QRICH2: variants seen among roughly 807,000 people sequenced by gnomAD.
QRICH2 encodes glutamine-rich protein 2.
A neutral mutation model predicts 168.3 loss-of-function variants in QRICH2; 119 were observed. The ratio of observed to expected loss-of-function variants is 0.71; its 90% confidence interval spans 0.61 to 0.82. The LOEUF is 0.82. QRICH2 is among the 40% of genes least tolerant of loss of function. The pLI is 0.00. For missense variants in QRICH2, 2,241 were observed against 2,491.6 expected, an observed-to-expected ratio of 0.90 and a Z score of 2.14; for synonymous variants, 894 against 951.2, an observed-to-expected ratio of 0.94 and a Z score of 1.11.
chr17:76,297,878 T>G (rs954694731), intron 3 of QRICH2, among the ~76,000 whole-genome samples: 3 of 127,290 alleles, frequency 2.4e-5, no homozygotes, highest in Admixed American at 7.7e-5. Context: ...CTGTTTTTTT[T>G]TTTTTTTTTT....
intron 14 of QRICH2, among the ~76,000 whole-genome samples, chr17:76,278,483 C>T (rs1427296718): frequency 6.6e-6 from 1 of 152,232 alleles, no homozygotes; most frequent in Non-Finnish European, 1.5e-5. Context: ...CTTCCCATCT[C>T]GGCGCACCTG....
Position 76,279,397 on chromosome 17 carries a change from A to G in QRICH2, c.4780T>C (p.Cys1594Arg), listed in dbSNP as rs2070746908. The change falls in exon 13 of 19, where the codon TGT becomes CGT. Residue 1594 changes from cysteine to arginine, a missense_variant. By Grantham distance (180) the Cys-to-Arg change is radical (BLOSUM62 -3). Around this residue, in one of 3 missense-constraint regions of QRICH2, gnomAD observed 2,047 missense variants for 2,303.8 expected, o/e 0.89. Transcript: ENST00000680821. ...QLLAHFHCLSCDRPLETPVTG... is the reference protein window; with the variant it reads ...QLLAHFHCLSRDRPLETPVTG... ...ACAGGTGTCTCCAAGGGCCGGTCAC[A>G]TGAGAGGCAGTGGAAATGTGCCAGG... is the stretch of plus-strand genomic sequence containing the variant. 5 of 1,613,102 alleles carry G rather than the reference A, an allele frequency of 3.1e-6. No individual in the cohort carries two copies. Among genetic ancestry groups the G allele is most frequent in the Non-Finnish European group, 4.2e-6 (5 of 1,179,582 alleles).
chr17:76,274,159 G>C lies in QRICH2; in HGVS notation c.5584C>G (p.Leu1862Val). The change falls in exon 19 of 19, where the codon CTG (leucine) becomes GTG (valine). Residue 1862 changes from leucine (L) to valine (V), a missense_variant. This residue lies in a region of QRICH2 where 189 missense variants were observed against 169.3 expected (regional missense o/e 1.12). Transcript: ENST00000680821. ...PSSAAVANRG[L>V]ERHVDMPPGE... is the part of the protein sequence containing the mutation. ...GGAGGCATGTCCACGTGCCTCTCCA[G>C]CCCCCTGTTTGCCACCGCGGCGGAG... 6.3e-7 allele frequency: 1 copy of C among 1,583,522 alleles called. No homozygotes were observed. Among genetic ancestry groups the C allele is most frequent in the Admixed American group, 2.0e-5 (1 of 51,006 alleles).
At position 76,280,735 on chromosome 17, in the gene QRICH2, A is replaced by G; in HGVS notation, c.4387-7T>C. The G allele has an allele frequency of 6.2e-7, 1 of 1,614,084 alleles. No homozygotes were observed. Among genetic ancestry groups the G allele is most frequent in the Non-Finnish European group, 8.5e-7 (1 of 1,180,018 alleles). ...CCAGACCCTGGTACAGCATCTGGGG[A>G]GGCCAAGTGAACAGAGAAAAAAAGA... On this transcript the variant is annotated splice_region_variant and splice_polypyrimidine_tract_variant and intron_variant, in intron 9 of 18. Coordinates refer to ENST00000680821, the MANE Select transcript of QRICH2 (RefSeq NM_001388453.1). This position sits in a 1 kb window ranked among gnomAD's most constrained non-coding sequence, Gnocchi z 7.4.
Position 76,274,243 on chromosome 17 carries a change from T to C in QRICH2, c.5500A>G (p.Lys1834Glu). ...GNTSVSSRQQ[K>E]DRPSSEGRLS... Reference sequence around the variant, plus strand: ...CGGCCCTCGGAGGAAGGTCTATCTTTCTGTTGACGAGAAGAAACTGTAAGA... The same window carrying C: ...CGGCCCTCGGAGGAAGGTCTATCTTCCTGTTGACGAGAAGAAACTGTAAGA... The change falls in exon 19 of 19, where the codon AAA becomes GAA. Residue 1834 changes from lysine (K) to glutamate (E), a missense_variant. Transcript: ENST00000680821. 1.3e-6 allele frequency: 2 copies of C among 1,591,708 alleles called. No individual in the cohort carries two copies. Among genetic ancestry groups the C allele is most frequent in the Non-Finnish European group, 1.7e-6 (2 of 1,172,242 alleles).
intron 13 of QRICH2, 84 bp downstream of exon 13, chr17:76,279,279 A>T: frequency 7.3e-7 from 1 of 1,377,966 alleles, no homozygotes; most frequent in Non-Finnish European, 1.0e-6. Context: ...CATGAAAGAA[A>T]GGGAGAGGAC....
chr17:76,293,917 C>T lies in QRICH2; in HGVS notation c.810G>A (p.Glu270=). 1 of 1,614,160 alleles carries T rather than the reference C, an allele frequency of 6.2e-7. No homozygotes were observed. Among genetic ancestry groups the T allele is most frequent in the Non-Finnish European group, 8.5e-7 (1 of 1,180,030 alleles). The change falls in exon 4 of 19, where the codon GAG becomes GAA. Residue 270 remains glutamate (E), a synonymous_variant. Coordinates refer to ENST00000680821, the MANE Select transcript of QRICH2 (RefSeq NM_001388453.1). Reference sequence around the variant, plus strand: ...GACCACTGGCAGAATCCAGAGCCTGCTCAATACTTGGTTGCTTGGTAGAGT... The same window carrying T: ...GACCACTGGCAGAATCCAGAGCCTGTTCAATACTTGGTTGCTTGGTAGAGT... ...SGDSTKQPSI[E]QALDSASGLG...
At chr17:76,300,769 T>C (rs565185005) in intron 3 of QRICH2, among the ~76,000 whole-genome samples, 103 of 151,516 alleles carry the variant, frequency 6.8e-4, no homozygotes, top group South Asian at 4.2e-3. Context: ...ATACAAAATA[T>C]GACCAGGCAT....
intron 6 of QRICH2, 65 bp from the exon 7 acceptor site, chr17:76,287,371 C>T: frequency 8.6e-7 from 1 of 1,166,080 alleles, no homozygotes; most frequent in South Asian, 1.3e-5. Context: ...GAGCCTGGGC[C>T]ATCAGGGACG....
At chr17:76,279,965 C>T (rs1338736979) in intron 12 of QRICH2, 68 bp downstream of exon 12, 2 of 1,507,562 alleles carry the variant, frequency 1.3e-6, no homozygotes, top group Admixed American at 2.1e-5. Context: ...GTCTGGAGAC[C>T]CCCAGCCCCC....
chr17:76,302,028 G>A (rs1240368890), intron 3 of QRICH2, among the ~76,000 whole-genome samples: 5 of 151,766 alleles, frequency 3.3e-5, no homozygotes, highest in African/African-American at 9.7e-5. Flanking sequence ...CCTCCCAAGT[G>A]CTTGGGATTA....
Position 76,293,897 on chromosome 17 carries a change from CT to C in QRICH2, c.829del (p.Ser277ValfsTer109), listed in dbSNP as rs1441928397. On this transcript the variant is annotated frameshift_variant, in exon 4 of 19. Coordinates refer to ENST00000680821, the MANE Select transcript of QRICH2 (RefSeq NM_001388453.1). LOFTEE classifies it high-confidence loss of function. ...PSIEQALDSA[S>X]GLGPDRTASG... ...TGCAGTCCGATCCGGGCCAAGACCA[CT>C]GGCAGAATCCAGAGCCTGCTCAATA... 6.8e-6 allele frequency: 11 copies of C among 1,614,066 alleles called. No homozygotes were observed. The Admixed American group carries it at 1.0e-4, about 15-fold the overall frequency.
chr17:76,299,630 G>A (rs569434810), intron 3 of QRICH2, among the ~76,000 whole-genome samples: 2 of 151,852 alleles, frequency 1.3e-5, no homozygotes, highest in African/African-American at 2.4e-5. Context: ...TCAGCTACTC[G>A]GGAGACTGAG....
At chr17:76,284,690 C>T (rs975093447) in intron 7 of QRICH2, among the ~76,000 whole-genome samples, 37 of 151,608 alleles carry the variant, frequency 2.4e-4, no homozygotes, top group Non-Finnish European at 1.5e-4. Context: ...CAGTGGCAGG[C>T]GCCTGTAATC....
intron 2 of QRICH2, 136 bp downstream of exon 2, chr17:76,304,746 C>T: frequency 1.3e-6 from 1 of 792,486 alleles, no homozygotes; most frequent in Non-Finnish European, 2.2e-6. Flanking sequence ...GATTTCCCTC[C>T]AACCCTGGGG....
Position 76,293,867 on chromosome 17 carries a change from C to A in QRICH2, c.860G>T (p.Gly287Val). 3 of 1,614,112 alleles carry A rather than the reference C, an allele frequency of 1.9e-6. No individual in the cohort carries two copies. The highest frequency in any genetic ancestry group is 2.5e-6 in the Non-Finnish European group (3 of 1,180,036). ...SGLGPDRTASGSGGTAHPSDG... is the reference protein window; with the variant it reads ...SGLGPDRTASVSGGTAHPSDG... Reference sequence around the variant, plus strand: ...AGAGGGGTGTGCTGTGCCACCAGATCCTGATGCAGTCCGATCCGGGCCAAG... The same window carrying A: ...AGAGGGGTGTGCTGTGCCACCAGATACTGATGCAGTCCGATCCGGGCCAAG... The change falls in exon 4 of 19, where the codon GGA (glycine) becomes GTA (valine). Residue 287 changes from glycine to valine, a missense_variant. Gly to Val is a moderately radical substitution (Grantham distance 109). Coordinates refer to ENST00000680821, the MANE Select transcript of QRICH2 (RefSeq NM_001388453.1).
Position 76,293,928 on chromosome 17 carries a change from G to C in QRICH2, c.799C>G (p.Pro267Ala), listed in dbSNP as rs968420149. The C allele has an allele frequency of 6.2e-7, 1 of 1,614,014 alleles. No homozygotes were observed. Among genetic ancestry groups the C allele is most frequent in the Non-Finnish European group, 8.5e-7 (1 of 1,180,038 alleles). ...GTLSGDSTKQ[P>A]SIEQALDSAS... Reference sequence around the variant, plus strand: ...GAATCCAGAGCCTGCTCAATACTTGGTTGCTTGGTAGAGTCTCCGCTTAGA... The same window carrying C: ...GAATCCAGAGCCTGCTCAATACTTGCTTGCTTGGTAGAGTCTCCGCTTAGA... Residue 267 changes from proline (P) to alanine (A), a missense_variant, in exon 4 of 19, where the codon CCA becomes GCA. Pro to Ala is a conservative substitution (Grantham distance 27). Coordinates refer to ENST00000680821, the MANE Select transcript of QRICH2 (RefSeq NM_001388453.1).
chr17:76,282,161 C>G, intron 7 of QRICH2, 46 bp from the exon 8 acceptor site: 5 of 1,556,910 alleles, frequency 3.2e-6, no homozygotes, highest in Non-Finnish European at 4.4e-6. Context: ...AGGCCAGTCA[C>G]GGCCACGCTC....
rs371716943 is a variant in QRICH2, at chr17:76,287,314, G to A, written c.3897-8C>T. 30 of 1,602,110 alleles carry A rather than the reference G, an allele frequency of 1.9e-5. No homozygotes were observed. The African/African-American group carries it at 2.4e-4, about 13-fold the overall frequency. On this transcript the variant is annotated splice_region_variant and splice_polypyrimidine_tract_variant and intron_variant, in intron 6 of 18. Coordinates refer to ENST00000680821, the MANE Select transcript of QRICH2 (RefSeq NM_001388453.1). ...ATGTCAGCCACGGTGACTCTGTGGTGCACGATGAGAGACTGCCAGACTCCA... is the reference window on the plus strand; with the variant it reads ...ATGTCAGCCACGGTGACTCTGTGGTACACGATGAGAGACTGCCAGACTCCA...
Sources: gnomAD v4.1 joint callset for allele counts (sites outside exome capture counted in the v4.1 genomes callset) on GRCh38, gnomAD v4.1.1 for gene constraint, gnomAD v4.1.1 regional missense constraint, Gnocchi (gnomAD v3.1) non-coding constraint, MANE v1.5 for transcripts, NCBI Gene and HGNC (gene_info 2026-07-23, HGNC 2026-07-21) for gene names.